The following DNAH9 variants were observed in gnomAD, a reference collection of about 807,000 sequenced individuals.
DNAH9 encodes the protein dynein axonemal heavy chain 9, also known as DNAH9 variant protein.
Under a neutral mutation model 471.6 loss-of-function variants are expected in DNAH9, and 345 were observed. That is an observed-to-expected ratio of 0.73 (90% CI 0.67 to 0.80). The LOEUF (loss-of-function observed/expected upper bound fraction) is 0.80. DNAH9 is among the 30% of genes least tolerant of loss of function. The pLI, the probability that DNAH9 is intolerant of heterozygous loss-of-function variation, is 0.00. For synonymous variants in DNAH9, 2,093 were observed against 2,123.6 expected, an observed-to-expected ratio of 0.99 and a Z score of 0.40; for missense variants, 5,407 against 5,609.2, an observed-to-expected ratio of 0.96 and a Z score of 1.15.
chr17:11,768,245 G>C (rs1272165771), intron 36 of DNAH9, among the ~76,000 whole-genome samples: 1 of 152,230 alleles, frequency 6.6e-6, no homozygotes, highest in Non-Finnish European at 1.5e-5. Flanking sequence ...AAGCAAGGAT[G>C]CCTGTGCGTG....
chr17:11,743,287 T>G (rs561238596), intron 30 of DNAH9, among the ~76,000 whole-genome samples: 82 of 152,330 alleles, frequency 5.4e-4, no homozygotes, highest in African/African-American at 1.9e-3. Flanking sequence ...CCCTTAATGA[T>G]TCTATGTTCT....
chr17:11,618,458 C>T (rs892497844), intron 5 of DNAH9, among the ~76,000 whole-genome samples: 35 of 152,050 alleles, frequency 2.3e-4, no homozygotes, highest in African/African-American at 4.6e-4. Flanking sequence ...TGGTGGTGCA[C>T]GCCTGTAGTC....
At chr17:11,698,057 A>G (rs1351838270) in intron 22 of DNAH9, among the ~76,000 whole-genome samples, 1 of 144,738 alleles carries the variant, frequency 6.9e-6, no homozygotes, top group Non-Finnish European at 1.5e-5. Flanking sequence ...AATTATATAT[A>G]AAATTATATA....
chr17:11,673,758 G>T (rs193257686), intron 17 of DNAH9, among the ~76,000 whole-genome samples: 20 of 152,208 alleles, frequency 1.3e-4, no homozygotes, highest in Admixed American at 6.5e-4. Flanking sequence ...ATATTTTAAA[G>T]TTTAAATCCT....
intron 49 of DNAH9, among the ~76,000 whole-genome samples, chr17:11,844,491 C>T (rs952787959): frequency 1.3e-5 from 2 of 152,132 alleles, no homozygotes; most frequent in African/African-American, 4.8e-5. Context: ...CTGCAACTTC[C>T]ACCTCCTGGA....
At chr17:11,704,982 G>C (rs750393744) in intron 25 of DNAH9, 43 bp from the exon 26 acceptor site, 3 of 1,572,334 alleles carry the variant, frequency 1.9e-6, no homozygotes, top group Admixed American at 3.3e-5. Flanking sequence ...GGGACTACCT[G>C]CTGCCTATGA....
At chr17:11,787,712 A>C (rs1342208317) in intron 41 of DNAH9, among the ~76,000 whole-genome samples, 3 of 152,070 alleles carry the variant, frequency 2.0e-5, no homozygotes, top group Admixed American at 2.0e-4. Flanking sequence ...TAATTCCCAC[A>C]TGTTGTGGGA....
chr17:11,936,849 C>T (rs1365825084), intron 65 of DNAH9, among the ~76,000 whole-genome samples: 2 of 152,144 alleles, frequency 1.3e-5, no homozygotes, highest in East Asian at 1.9e-4. Flanking sequence ...TCACCTCCTT[C>T]GTCCTAAGCC....
intron 26 of DNAH9, among the ~76,000 whole-genome samples, chr17:11,707,344 A>G (rs1421177495): frequency 6.6e-6 from 1 of 152,184 alleles, no homozygotes; most frequent in Non-Finnish European, 1.5e-5. Flanking sequence ...CAGTGATATC[A>G]CTTGTATTTT....
At chr17:11,870,271 AC>A (rs1943024333) in intron 51 of DNAH9, among the ~76,000 whole-genome samples, 1 of 152,220 alleles carries the variant, frequency 6.6e-6, no homozygotes, top group African/African-American at 2.4e-5. Flanking sequence ...CAAAGAATTT[AC>A]AGCCTTTTAA....
chr17:11,861,489 G>T (rs1338737836), intron 50 of DNAH9, among the ~76,000 whole-genome samples: 1 of 152,140 alleles, frequency 6.6e-6, no homozygotes, highest in Non-Finnish European at 1.5e-5. Flanking sequence ...AAAAATACGT[G>T]TGCATATGTC....
chr17:11,783,616 C>A, intron 39 of DNAH9, 30 bp from the exon 40 acceptor site: 1 of 1,578,568 alleles, frequency 6.3e-7, no homozygotes, highest in South Asian at 1.1e-5. Flanking sequence ...TCCTCAGACA[C>A]CTTTCACCTA....
chr17:11,667,965 C>G (rs1214200870), intron 15 of DNAH9, among the ~76,000 whole-genome samples: 1 of 152,200 alleles, frequency 6.6e-6, no homozygotes, highest in African/African-American at 2.4e-5. Flanking sequence ...CTGCCACCCA[C>G]AGTATCCAGC....
At chr17:11,786,664 A>C (rs1383205612) in intron 41 of DNAH9, among the ~76,000 whole-genome samples, 1 of 152,266 alleles carries the variant, frequency 6.6e-6, no homozygotes, top group Non-Finnish European at 1.5e-5. Flanking sequence ...GGTAAGCAGC[A>C]GCATTGATAG....
intron 67 of DNAH9, among the ~76,000 whole-genome samples, chr17:11,946,402 A>T (rs1597861766): frequency 6.6e-6 from 1 of 150,702 alleles, no homozygotes; most frequent in Non-Finnish European, 1.5e-5. Flanking sequence ...GGTGGCTCAC[A>T]CCTGTAATCC....
chr17:11,914,365 T>C lies in DNAH9; in HGVS notation c.11749+8556T>C, dbSNP rs368646640. 2.0e-5 allele frequency among the ~76,000 whole-genome samples: 3 copies of C among 152,366 alleles called. No homozygotes were observed. In the East Asian group the frequency reaches 5.8e-4, roughly 29 times the overall value. On this transcript the variant is annotated intron_variant, in intron 61 of 68. Coordinates refer to ENST00000262442, the MANE Select transcript of DNAH9 (RefSeq NM_001372.4). The stretch of plus-strand genomic sequence containing the variant: ...TGAAGATACTCTCCCTGGAGCTCAC[T>C]GACATCTTCTTCTAATATAAATAAA...
rs1478331882 is a variant in DNAH9, at chr17:11,640,404, AAGAC to A, written c.1901+23_1901+26del. 6.6e-7 allele frequency: 1 copy of A among 1,508,806 alleles called. No homozygotes were observed. Among genetic ancestry groups the A allele is most frequent in the South Asian group, 1.1e-5 (1 of 88,762 alleles). 93.5% of individuals were successfully genotyped at this position (1,508,806 alleles called of 1,614,324 possible). ...ACACCCGTGAGTATTGTGTTCCTGA[AAGAC>A]AGGCTTGTCTTGGGCTGCTGTTCCT... On this transcript the variant is annotated intron_variant, in intron 10 of 68. Transcript: ENST00000262442.
chr17:11,847,599 A>G (rs1325134730), intron 49 of DNAH9, among the ~76,000 whole-genome samples: 2 of 152,206 alleles, frequency 1.3e-5, no homozygotes, highest in Non-Finnish European at 2.9e-5. Context: ...TACCAGTGCC[A>G]TAAACAAAAT....
rs559668848 is a variant in DNAH9, at chr17:11,822,041, T to G, written c.8829T>G (p.Asp2943Glu). The change falls in exon 46 of 69, where the codon GAT becomes GAG. Residue 2943 changes from aspartate (D) to glutamate (E), a missense_variant. Transcript: ENST00000262442. Reference sequence around the variant, plus strand: ...AGAACTGTTGGAAGTTCTTTATAGATCGGATCCGGCGACAGCTGAAGGTAA... The same window carrying G: ...AGAACTGTTGGAAGTTCTTTATAGAGCGGATCCGGCGACAGCTGAAGGTAA... ...NRENCWKFFI[D>E]RIRRQLKVTL... The G allele has an allele frequency of 6.2e-7, 1 of 1,613,482 alleles. No individual in the cohort carries two copies. The highest frequency in any genetic ancestry group is 8.5e-7 in the Non-Finnish European group (1 of 1,179,804).
Sources: allele counts gnomAD v4.1 joint callset (sites outside exome capture counted in the v4.1 genomes callset), GRCh38; gene constraint gnomAD v4.1.1; transcripts MANE v1.5; gene names NCBI Gene and HGNC (gene_info 2026-07-23, HGNC 2026-07-21).